Variants in GPHN observed in about 807,000 individuals in gnomAD.
GPHN encodes the protein gephyrin.
In GPHN, 17 loss-of-function variants were observed where a neutral mutation model predicts 95.5. The ratio of observed to expected loss-of-function variants is 0.18; its 90% CI spans 0.12 to 0.27. The LOEUF is 0.27. GPHN is among the 10% of genes least tolerant of loss of function. The pLI, the probability that GPHN is intolerant of heterozygous loss-of-function variation, is 1.00. For synonymous variants in GPHN, 320 were observed against 322.5 expected, an observed-to-expected ratio of 0.99 and a Z score of 0.08; for missense variants, 660 against 978.1, an observed-to-expected ratio of 0.67 and a Z score of 4.34.
At chr14:67,354,876 C>T in the GPHN span, among the ~76,000 whole-genome samples, 5 of 152,278 alleles carry the variant, frequency 3.3e-5, no homozygotes, top group Middle Eastern at 3.4e-3. Context: ...TGCAATGGCG[C>T]GATCTCGGCT....
intron 10 of GPHN, among the ~76,000 whole-genome samples, chr14:67,033,578 T>G (rs1594881234): frequency 6.9e-6 from 1 of 145,006 alleles, no homozygotes; most frequent in African/African-American, 2.5e-5. Context: ...AAAAAAAGAA[T>G]GCCAAAAAGA....
At chr14:67,697,660 C>G in the GPHN span, among the ~76,000 whole-genome samples, 10 of 152,246 alleles carry the variant, frequency 6.6e-5, no homozygotes, top group East Asian at 7.7e-4. Flanking sequence ...AGAGGCAGAG[C>G]TGGGATTCAA....
chr14:67,700,613 G>A, the GPHN span, among the ~76,000 whole-genome samples: 1 of 151,562 alleles, frequency 6.6e-6, no homozygotes, highest in Admixed American at 6.6e-5. Context: ...TACTCGGGAG[G>A]CTGAGGCAGG....
At chr14:67,542,058 TGA>T in the GPHN span, 7 of 1,426,028 alleles carry the variant, frequency 4.9e-6, no homozygotes, top group Middle Eastern at 4.2e-4. Flanking sequence ...GAGGGCCGTG[TGA>T]GAGAGGGAGA....
the GPHN span, among the ~76,000 whole-genome samples, chr14:67,541,593 A>G: frequency 5.3e-5 from 8 of 152,272 alleles, no homozygotes; most frequent in Non-Finnish European, 1.0e-4. Context: ...GTTCTCCTTA[A>G]GGTTTCTCAG....
At chr14:67,345,922 T>C in the GPHN span, 1 of 1,171,374 alleles carries the variant, frequency 8.5e-7, no homozygotes, top group South Asian at 1.3e-5. Context: ...ATATCTTCCC[T>C]ATAAAATTCC....
At chr14:67,022,645 G>C (rs549865326) in intron 9 of GPHN, among the ~76,000 whole-genome samples, 2 of 114,666 alleles carry the variant, frequency 1.7e-5, no homozygotes, top group Admixed American at 1.1e-4. Context: ...TTTTATTGCC[G>C]TTTTTTTAAA....
At chr14:67,466,023 G>C in the GPHN span, among the ~76,000 whole-genome samples, 2 of 152,152 alleles carry the variant, frequency 1.3e-5, no homozygotes, top group Non-Finnish European at 2.9e-5. Context: ...GCCTTGATTT[G>C]ACTTCTGCCT....
At chr14:66,890,775 G>T (rs2064444619) in intron 5 of GPHN, among the ~76,000 whole-genome samples, 2 of 150,120 alleles carry the variant, frequency 1.3e-5, no homozygotes, top group Non-Finnish European at 2.9e-5. Flanking sequence ...ATAAATCATT[G>T]TAATATACCA....
At chr14:67,627,424 A>T in the GPHN span, among the ~76,000 whole-genome samples, 3 of 152,098 alleles carry the variant, frequency 2.0e-5, no homozygotes. Flanking sequence ...ATTACAAATC[A>T]TGTCTGTTGA....
At chr14:66,922,991 C>G (rs2066296860) in intron 7 of GPHN, 53 bp downstream of exon 7, 1 of 1,455,324 alleles carries the variant, frequency 6.9e-7, no homozygotes, top group African/African-American at 1.8e-5. Context: ...GGTAAATGTA[C>G]TGGTTTCATC....
the GPHN span, among the ~76,000 whole-genome samples, chr14:67,477,039 G>T: frequency 1.3e-5 from 2 of 152,038 alleles, no homozygotes; most frequent in Admixed American, 6.6e-5. Context: ...GGTGGCATGC[G>T]CCTATAATCC....
At chr14:67,357,108 G>A in the GPHN span, among the ~76,000 whole-genome samples, 3 of 152,214 alleles carry the variant, frequency 2.0e-5, no homozygotes, top group African/African-American at 7.2e-5. Context: ...CCTGGATTTA[G>A]TGGACTTCTG....
chr14:67,177,043 A>G (rs959366782), intron 21 of GPHN, among the ~76,000 whole-genome samples: 1 of 151,894 alleles, frequency 6.6e-6, no homozygotes, highest in African/African-American at 2.4e-5. Flanking sequence ...GGATTCACTG[A>G]TTTTTTTGAA....
At chr14:66,932,444 GTTTTTT>G (rs35159325) in intron 8 of GPHN, among the ~76,000 whole-genome samples, 1,152 of 24,378 alleles carry the variant, frequency 0.047, 26 homozygotes, top group Admixed American at 0.061. Context: ...CCAAGACCAG[GTTTTTT>G]TTTTTTTTTT....
the GPHN span, among the ~76,000 whole-genome samples, chr14:67,221,195 C>A: frequency 2.6e-5 from 4 of 152,190 alleles, no homozygotes; most frequent in African/African-American, 9.7e-5. Context: ...CTAGCCTCTT[C>A]TTTTATCCAA....
At position 67,015,590 on chromosome 14, in the gene GPHN, G is replaced by A. The variant is rs553045461; in HGVS notation, c.964-8043G>A. 1.3e-4 allele frequency among the ~76,000 whole-genome samples: 20 copies of A among 152,102 alleles called. No individual in the cohort carries two copies. In the South Asian group the frequency reaches 3.1e-3, roughly 24 times the overall value. ...CGCACACCTGTAGTCCCAGCTACTC[G>A]GGAGGCTGAGGCAGGAGAGTTGCTT... is the stretch of plus-strand genomic sequence containing the variant. On this transcript the variant is annotated intron_variant, in intron 9 of 22. Transcript: ENST00000478722.
chr14:67,096,362 C>T (rs2077393772), intron 12 of GPHN, among the ~76,000 whole-genome samples: 1 of 152,078 alleles, frequency 6.6e-6, no homozygotes, highest in African/African-American at 2.4e-5. Context: ...GATGACCTCC[C>T]CAGATGACCT....
the GPHN span, chr14:67,467,596 C>G: frequency 6.6e-6 from 1 of 152,256 alleles, no homozygotes; most frequent in African/African-American, 2.4e-5. Flanking sequence ...TTCTACACCT[C>G]CTTTCTTATA....
Sources: allele counts gnomAD v4.1 joint callset (sites outside exome capture counted in the v4.1 genomes callset), GRCh38; gene constraint gnomAD v4.1.1; transcripts MANE v1.5; gene names NCBI Gene and HGNC (gene_info 2026-07-23, HGNC 2026-07-21).